Variants in CCDC3 observed in about 807,000 individuals in gnomAD.
The protein encoded by CCDC3 is coiled-coil domain containing 3.
In CCDC3, 24 loss-of-function variants were observed where a neutral mutation model predicts 21.4. That is an observed-to-expected ratio of 1.12 (90% confidence interval 0.81 to 1.58). CCDC3 has a LOEUF of 1.58. Among genes scored for constraint, CCDC3 ranks in the 40% most tolerant of loss-of-function variants. The pLI is 0.00. For synonymous variants in CCDC3, 186 were observed against 166.0 expected (o/e 1.12, Z -0.93); for missense variants, 425 against 360.9 (o/e 1.18, Z -1.44).
At chr10:12,917,785 C>G (rs542340995) in intron 2 of CCDC3, among the ~76,000 whole-genome samples, 2 of 152,282 alleles carry the variant, frequency 1.3e-5, no homozygotes, top group African/African-American at 4.8e-5. Flanking sequence ...CTTTACTTTA[C>G]CGTAGTCCTT....
intron 3 of CCDC3, among the ~76,000 whole-genome samples, chr10:13,085,129 C>T (rs764111131): frequency 9.9e-5 from 15 of 152,120 alleles, no homozygotes; most frequent in Non-Finnish European, 2.1e-4. Flanking sequence ...TTCTGGCTTC[C>T]AGGCAAACTG....
intron 3 of CCDC3, among the ~76,000 whole-genome samples, chr10:13,089,746 T>C (rs1318806497): frequency 6.7e-6 from 1 of 149,696 alleles, no homozygotes; most frequent in African/African-American, 2.4e-5. Context: ...ATAAGTTTTT[T>C]ACTGGTGGTT....
Position 13,001,521 on chromosome 10 carries a change from G to A in CCDC3, c.50C>T (p.Ala17Val). 1.5e-6 allele frequency: 2 copies of A among 1,317,528 alleles called. No individual in the cohort carries two copies. The highest frequency in any genetic ancestry group is 1.9e-6 in the Non-Finnish European group (2 of 1,036,100). The allele number at this position is 1,317,528 out of a possible 1,614,324, so 81.6% of individuals were successfully genotyped here. Reference sequence around the variant, plus strand: ...GGGCAGCTGGCAGGCGCGCGCGGGCGCTGGGGGACCCGCCAGGCAGAGCGC... The same window carrying A: ...GGGCAGCTGGCAGGCGCGCGCGGGCACTGGGGGACCCGCCAGGCAGAGCGC... ...LAALCLAGPP[A>V]PARACQLPSE... Residue 17 changes from alanine to valine, a missense_variant, in exon 1 of 3, where the codon GCG becomes GTG. Ala to Val is a moderately conservative substitution (Grantham distance 64, BLOSUM62 0). Coordinates refer to ENST00000378825, the MANE Select transcript of CCDC3 (RefSeq NM_031455.4).
chr10:13,036,479 T>G (rs997478786), intron 5 of CCDC3, among the ~76,000 whole-genome samples: 1 of 152,068 alleles, frequency 6.6e-6, no homozygotes, highest in Non-Finnish European at 1.5e-5. Context: ...TGTGTGCTTT[T>G]TTTGTTTGTT....
chr10:13,061,978 C>T (rs1836763625), intron 4 of CCDC3, among the ~76,000 whole-genome samples: 1 of 151,398 alleles, frequency 6.6e-6, no homozygotes, highest in African/African-American at 2.4e-5. Flanking sequence ...CCCCCACCAC[C>T]CAGAAAGGAC....
At chr10:13,059,864 C>A (rs561234071) in intron 4 of CCDC3, among the ~76,000 whole-genome samples, 2 of 152,022 alleles carry the variant, frequency 1.3e-5, no homozygotes, top group Non-Finnish European at 2.9e-5. Context: ...CCGAGGAGGG[C>A]GGATCATGAG....
chr10:13,079,663 A>C (rs1489832491), intron 3 of CCDC3, among the ~76,000 whole-genome samples: 4 of 152,234 alleles, frequency 2.6e-5, no homozygotes, highest in Non-Finnish European at 5.9e-5. Flanking sequence ...AAAAATCCCC[A>C]TTAGGGGAAG....
intron 2 of CCDC3, among the ~76,000 whole-genome samples, chr10:12,913,529 G>T (rs1419432315): frequency 6.6e-6 from 1 of 152,214 alleles, no homozygotes; most frequent in Admixed American, 6.5e-5. Context: ...ATTGCAAACA[G>T]GGACAATTTG....
intron 2 of CCDC3, among the ~76,000 whole-genome samples, chr10:12,943,996 T>C (rs1226640711): frequency 3.3e-5 from 5 of 151,990 alleles, no homozygotes; most frequent in African/African-American, 9.7e-5. Context: ...CCCTTAAGAG[T>C]TGACATACAA....
chr10:13,012,707 G>A (rs1240004718), intron 5 of CCDC3, among the ~76,000 whole-genome samples: 5 of 152,138 alleles, frequency 3.3e-5, no homozygotes, highest in African/African-American at 4.8e-5. Flanking sequence ...GGAGGCAGAC[G>A]TTGCAGTGAG....
chr10:13,030,513 G>A (rs1440577009), intron 5 of CCDC3, among the ~76,000 whole-genome samples: 2 of 151,962 alleles, frequency 1.3e-5, no homozygotes, highest in Non-Finnish European at 2.9e-5. Context: ...AATGTAAATA[G>A]GCTAAATGCT....
chr10:13,076,338 T>C (rs1350355512), intron 3 of CCDC3, among the ~76,000 whole-genome samples: 1 of 152,164 alleles, frequency 6.6e-6, no homozygotes, highest in Admixed American at 6.5e-5. Context: ...CTAGGAAAAA[T>C]GAGGCTGGGA....
chr10:13,090,544 G>A (rs1022815510), intron 3 of CCDC3, among the ~76,000 whole-genome samples: 3 of 152,112 alleles, frequency 2.0e-5, no homozygotes, highest in African/African-American at 7.2e-5. Flanking sequence ...TGAGGTTCAG[G>A]CCCATTTTTC....
intron 4 of CCDC3, among the ~76,000 whole-genome samples, chr10:13,057,443 G>A (rs920597007): frequency 6.7e-6 from 1 of 150,224 alleles, no homozygotes; most frequent in South Asian, 2.1e-4. Flanking sequence ...ATCCCTCAGG[G>A]ACAGTGTTTC....
chr10:13,089,135 G>A (rs11258183), intron 3 of CCDC3, among the ~76,000 whole-genome samples: 11,443 of 152,066 alleles, frequency 0.075, 585 homozygotes, highest in East Asian at 0.22. Context: ...ACTACACAGC[G>A]GACCATATAA....
chr10:13,059,710 G>A (rs1162831634), intron 4 of CCDC3, among the ~76,000 whole-genome samples: 1 of 152,176 alleles, frequency 6.6e-6, no homozygotes, highest in Non-Finnish European at 1.5e-5. Context: ...AATGGGAGGT[G>A]TGAATCTGCT....
rs549663139 is a variant in CCDC3 at position 13,074,054 on chromosome 10, AATCCTCCATTT to A, written c.-467_-457del. ...GTTCCAGAGTTGGTGTCTCTTTTCT[AATCCTCCATTT>A]ATATGATAATCACTTGAAATTCAAG... On this transcript the variant is annotated 5_prime_UTR_variant, in exon 4 of 7. Transcript: ENST00000378839. The A allele has an allele frequency of 3.2e-4, 48 of 151,198 alleles. 1 individual carries two copies. The East Asian group carries it at 9.2e-3, about 29-fold the overall frequency. 9.4% of individuals were successfully genotyped at this position (151,198 alleles called of 1,614,324 possible).
At chr10:13,054,447 CTGTT>C (rs921424854) in intron 4 of CCDC3, among the ~76,000 whole-genome samples, 2 of 152,082 alleles carry the variant, frequency 1.3e-5, no homozygotes, top group South Asian at 2.1e-4. Flanking sequence ...CAAAAACTCG[CTGTT>C]TGTTTGCATT....
At chr10:13,074,761 T>G (rs1312439897) in intron 3 of CCDC3, among the ~76,000 whole-genome samples, 1 of 152,154 alleles carries the variant, frequency 6.6e-6, no homozygotes, top group Non-Finnish European at 1.5e-5. Context: ...TGGGTGCTGT[T>G]TTACTCAGCT....
Sources: gnomAD v4.1 joint callset for allele counts (sites outside exome capture counted in the v4.1 genomes callset) on GRCh38, gnomAD v4.1.1 for gene constraint, MANE v1.5 for transcripts, NCBI Gene and HGNC (gene_info 2026-07-23, HGNC 2026-07-21) for gene names.